The following PLCE1 variants were observed in gnomAD, a reference collection of about 807,000 sequenced individuals.
PLCE1 encodes 1-phosphatidylinositol 4,5-bisphosphate phosphodiesterase epsilon-1.
A neutral mutation model predicts 242.8 loss-of-function variants in PLCE1; 119 were observed. The ratio of observed to expected loss-of-function variants is 0.49; its 90% confidence interval spans 0.42 to 0.57. The LOEUF (loss-of-function observed/expected upper bound fraction) is 0.57, where lower values mean the gene tolerates loss of function less well. Ranked by LOEUF, PLCE1 falls within the 20% of genes least tolerant of loss-of-function variation. PLCE1 has a pLI of 0.00. For missense variants in PLCE1, 2,441 were observed against 2,788.8 expected, an observed-to-expected ratio of 0.88 and a Z score of 2.81; for synonymous variants, 945 against 1,017.4, an observed-to-expected ratio of 0.93 and a Z score of 1.35.
At position 94,175,524 on chromosome 10, in the gene PLCE1, AG is replaced by A. The variant is rs2048102722; in HGVS notation, c.1809+4031del. 2.0e-5 allele frequency among the ~76,000 whole-genome samples: 3 copies of A among 152,330 alleles called. No homozygotes were observed. In the South Asian group the frequency reaches 6.2e-4, roughly 32 times the overall value. ...AATGTGTTATTACATCAGAGTAAAT[AG>A]GGTATCCATCATCTCAAGTACTGAT... On this transcript the variant is annotated intron_variant, in intron 4 of 32. Transcript: ENST00000371380.
intron 4 of PLCE1, among the ~76,000 whole-genome samples, chr10:94,198,666 C>T (rs1387417207): frequency 6.6e-6 from 1 of 152,162 alleles, no homozygotes; most frequent in Non-Finnish European, 1.5e-5. Flanking sequence ...TCTTTTTATC[C>T]TTTTGCCTTT....
In PLCE1 at chr10:94,129,015, A is replaced by C. The variant is rs539393035; in HGVS notation, c.1207-3159A>C. On this transcript the variant is annotated intron_variant, in intron 2 of 32. Transcript: ENST00000371380. Reference sequence around the variant, plus strand: ...GAATTTAAACAGGGTATGTCAGATGAAACAGGTCTGTTGACTGAATCTGGC... The same window carrying C: ...GAATTTAAACAGGGTATGTCAGATGCAACAGGTCTGTTGACTGAATCTGGC... Among the ~76,000 whole-genome samples, 14 of 152,358 alleles carry C rather than the reference A, an allele frequency of 9.2e-5. 1 individual carries two copies. The South Asian group carries it at 2.7e-3, about 29-fold the overall frequency.
chr10:94,138,617 T>G, intron 3 of PLCE1: 1 of 403,060 alleles, frequency 2.5e-6, no homozygotes, highest in Non-Finnish European at 4.9e-6. Context: ...GTGTGGAATT[T>G]GTTATGAGCT....
At chr10:94,043,016 T>A (rs2061798993) in intron 2 of PLCE1, among the ~76,000 whole-genome samples, 1 of 152,338 alleles carries the variant, frequency 6.6e-6, no homozygotes, top group African/African-American at 2.4e-5. Context: ...AGCATTTCTT[T>A]CCATAATCAC....
At chr10:94,060,692 T>C (rs2044027407) in intron 2 of PLCE1, among the ~76,000 whole-genome samples, 1 of 151,646 alleles carries the variant, frequency 6.6e-6, no homozygotes, top group Admixed American at 6.6e-5. Flanking sequence ...AGACATTATT[T>C]AACTTTTTTT....
intron 4 of PLCE1, among the ~76,000 whole-genome samples, chr10:94,172,247 G>A (rs1282027273): frequency 6.6e-6 from 1 of 152,142 alleles, no homozygotes; most frequent in Non-Finnish European, 1.5e-5. Context: ...CAGTACTGGG[G>A]TTGGGCGGAC....
intron 2 of PLCE1, among the ~76,000 whole-genome samples, chr10:94,094,242 C>T (rs1175116382): frequency 6.6e-6 from 1 of 152,106 alleles, no homozygotes; most frequent in Non-Finnish European, 1.5e-5. Flanking sequence ...CGCCCGGCCT[C>T]GGTATTTCTT....
chr10:93,997,642 T>A (rs2060852472), intron 1 of PLCE1, among the ~76,000 whole-genome samples: 1 of 148,816 alleles, frequency 6.7e-6, no homozygotes, highest in South Asian at 2.2e-4. Flanking sequence ...CTTTTTTTTT[T>A]TTTTTTTTTT....
At chr10:94,069,691 G>A (rs1237006260) in intron 2 of PLCE1, among the ~76,000 whole-genome samples, 1 of 152,178 alleles carries the variant, frequency 6.6e-6, no homozygotes, top group Non-Finnish European at 1.5e-5. Context: ...TCAGAATTCA[G>A]GTTAATATCC....
At chr10:94,194,959 C>G (rs966692360) in intron 4 of PLCE1, among the ~76,000 whole-genome samples, 3 of 152,048 alleles carry the variant, frequency 2.0e-5, no homozygotes, top group Non-Finnish European at 4.4e-5. Flanking sequence ...CAGGGGCCAC[C>G]ATTTTGAACT....
chr10:94,062,173 C>T (rs2044071880), intron 2 of PLCE1, among the ~76,000 whole-genome samples: 1 of 152,226 alleles, frequency 6.6e-6, no homozygotes, highest in Admixed American at 6.5e-5. Context: ...GTACTGGACT[C>T]AGATGGCTTG....
At chr10:94,158,896 GC>G (rs1285310249) in intron 3 of PLCE1, among the ~76,000 whole-genome samples, 2 of 84,072 alleles carry the variant, frequency 2.4e-5, no homozygotes, top group Non-Finnish European at 4.4e-5. Flanking sequence ...CGCTCTTGTT[GC>G]CCAGGCTGGA....
intron 2 of PLCE1, among the ~76,000 whole-genome samples, chr10:94,118,396 C>T (rs1352514006): frequency 6.6e-6 from 1 of 152,022 alleles, no homozygotes; most frequent in African/African-American, 2.4e-5. Flanking sequence ...TAATCCTAGC[C>T]CTGAACATAG....
At chr10:94,117,857 G>A (rs2046181092) in intron 2 of PLCE1, among the ~76,000 whole-genome samples, 1 of 152,176 alleles carries the variant, frequency 6.6e-6, no homozygotes. Context: ...ATTGCAAGAA[G>A]CCCAGGGTAT....
chr10:94,014,905 T>C (rs564510080), intron 1 of PLCE1, among the ~76,000 whole-genome samples: 2 of 152,320 alleles, frequency 1.3e-5, no homozygotes, highest in East Asian at 3.9e-4. Context: ...ATTCTGATGC[T>C]GATGTAAATG....
intron 16 of PLCE1, 79 bp downstream of exon 16, chr10:94,266,037 C>T (rs1482861940): frequency 2.3e-6 from 3 of 1,332,404 alleles, no homozygotes; most frequent in Non-Finnish European, 1.1e-6. Context: ...AAAAACCTGA[C>T]CCCAGACTCC....
chr10:94,059,598 T>C (rs1263862164), intron 2 of PLCE1, among the ~76,000 whole-genome samples: 1 of 152,174 alleles, frequency 6.6e-6, no homozygotes, highest in African/African-American at 2.4e-5. Flanking sequence ...GGCAGACAAA[T>C]GGAGCTGGCC....
chr10:94,204,666 C>CGAAA lies in PLCE1; in HGVS notation c.1810-22625_1810-22622dup, dbSNP rs369112465. Among the ~76,000 whole-genome samples the CGAAA allele has an allele frequency of 4.3e-3, 603 of 140,460 alleles. 4 individuals carry two copies. Among genetic ancestry groups the CGAAA allele is most frequent in the African/African-American group, 0.015 (563 of 37,608 alleles). 92.1% of individuals were successfully genotyped at this position (140,460 alleles called of 152,430 possible). On this transcript the variant is annotated intron_variant, in intron 4 of 32. Transcript: ENST00000371380. ...TGGGTGACAGAGTGAAACTCTGTCC[C>CGAAA]GAAAGAAAGAAAGAAAGATACACAG... is the stretch of plus-strand genomic sequence containing the variant.
chr10:94,078,386 G>A (rs2044564186), intron 2 of PLCE1, among the ~76,000 whole-genome samples: 1 of 152,136 alleles, frequency 6.6e-6, no homozygotes, highest in Admixed American at 6.5e-5. Flanking sequence ...TTAGTCCTAT[G>A]AAGAAAAATT....
Sources: gnomAD v4.1 joint callset for allele counts (sites outside exome capture counted in the v4.1 genomes callset) on GRCh38, gnomAD v4.1.1 for gene constraint, MANE v1.5 for transcripts, NCBI Gene and HGNC (gene_info 2026-07-23, HGNC 2026-07-21) for gene names.